The following CCDC170 variants were observed in gnomAD, a reference collection of about 807,000 sequenced individuals.
CCDC170 encodes coiled-coil domain-containing protein 170.
In CCDC170, 69 loss-of-function variants were observed where a neutral mutation model predicts 72.6. The observed-to-expected ratio is 0.95, with a 90% CI of 0.78 to 1.16. CCDC170 has a LOEUF of 1.16. Ranked by LOEUF, CCDC170 falls within the 50% of genes most tolerant of loss-of-function variation. The pLI is 0.00. For synonymous variants in CCDC170, 300 were observed against 303.9 expected (o/e 0.99, Z 0.13); for missense variants, 852 against 832.5 (o/e 1.02, Z -0.29).
At chr6:151,509,612 T>C (rs1361364349) in intron 1 of CCDC170, among the ~76,000 whole-genome samples, 2 of 152,160 alleles carry the variant, frequency 1.3e-5, no homozygotes, top group Admixed American at 6.5e-5. Context: ...ATGTGTACAG[T>C]TATGAACGTG....
chr6:151,549,983 A>T (rs995431231), intron 5 of CCDC170, among the ~76,000 whole-genome samples: 1 of 152,010 alleles, frequency 6.6e-6, no homozygotes. Context: ...GCCAAAGGAC[A>T]TGGACCTTGT....
intron 6 of CCDC170, among the ~76,000 whole-genome samples, chr6:151,583,738 G>T (rs555221221): frequency 6.6e-6 from 1 of 152,228 alleles, no homozygotes; most frequent in Non-Finnish European, 1.5e-5. Context: ...GATTACAGGC[G>T]TGAGCCACTA....
intron 4 of CCDC170, 84 bp downstream of exon 4, chr6:151,544,800 G>A (rs1427810319): frequency 1.4e-6 from 2 of 1,407,368 alleles, no homozygotes; most frequent in East Asian, 4.6e-5. Flanking sequence ...GGTTGAGTTT[G>A]GGGGTGGCAG....
At chr6:151,507,514 A>T (rs117655718) in intron 1 of CCDC170, among the ~76,000 whole-genome samples, 3,925 of 152,314 alleles carry the variant, frequency 0.026, 66 homozygotes, top group Non-Finnish European at 0.037. Flanking sequence ...ATTATTTTTA[A>T]TATCTTCTAT....
chr6:151,534,480 T>C (rs1219502402), intron 1 of CCDC170, among the ~76,000 whole-genome samples: 1 of 152,184 alleles, frequency 6.6e-6, no homozygotes, highest in Admixed American at 6.5e-5. Context: ...ATACTATAGG[T>C]GAAATCTCTT....
intron 1 of CCDC170, among the ~76,000 whole-genome samples, chr6:151,533,233 T>C (rs1231676968): frequency 6.6e-6 from 1 of 151,612 alleles, no homozygotes; most frequent in African/African-American, 2.4e-5. Flanking sequence ...TTTTTTTATT[T>C]TTAGTAGAGA....
chr6:151,561,544 C>A (rs918375983), intron 5 of CCDC170, among the ~76,000 whole-genome samples: 22 of 152,062 alleles, frequency 1.4e-4, no homozygotes, highest in Admixed American at 1.4e-3. Flanking sequence ...GGACCTCAAT[C>A]TCTTCTGGCT....
At chr6:151,512,044 C>T (rs112632418) in intron 1 of CCDC170, among the ~76,000 whole-genome samples, 6,625 of 151,938 alleles carry the variant, frequency 0.044, 447 homozygotes, top group African/African-American at 0.14. Flanking sequence ...GGGGTCTCAC[C>T]ATGTTGCCCA....
intron 5 of CCDC170, among the ~76,000 whole-genome samples, chr6:151,551,839 A>G (rs1021194700): frequency 2.0e-5 from 3 of 152,144 alleles, no homozygotes; most frequent in East Asian, 1.9e-4. Flanking sequence ...TTCCTGACCC[A>G]TAGAAACTGT....
At chr6:151,617,736 A>T (rs1454720517) in intron 10 of CCDC170, among the ~76,000 whole-genome samples, 1 of 152,126 alleles carries the variant, frequency 6.6e-6, no homozygotes, top group Non-Finnish European at 1.5e-5. Context: ...CTCATCAGAA[A>T]AGTGATTGTG....
At chr6:151,616,661 C>T (rs1186027324) in intron 10 of CCDC170, among the ~76,000 whole-genome samples, 1 of 152,154 alleles carries the variant, frequency 6.6e-6, no homozygotes, top group Admixed American at 6.5e-5. Flanking sequence ...TCCTTTCAGG[C>T]TGCTGTAACA....
At chr6:151,592,095 T>C (rs1359543523) in intron 7 of CCDC170, among the ~76,000 whole-genome samples, 1 of 152,056 alleles carries the variant, frequency 6.6e-6, no homozygotes, top group African/African-American at 2.4e-5. Context: ...CGGTGGCTCA[T>C]GCCTGTAATC....
At chr6:151,592,444 T>G (rs893260930) in intron 7 of CCDC170, among the ~76,000 whole-genome samples, 1 of 152,126 alleles carries the variant, frequency 6.6e-6, no homozygotes, top group Admixed American at 6.5e-5. Flanking sequence ...TTTAATGGAC[T>G]CACAGTTCCA....
At chr6:151,611,188 T>C (rs775600837) in intron 9 of CCDC170, among the ~76,000 whole-genome samples, 2 of 151,898 alleles carry the variant, frequency 1.3e-5, no homozygotes, top group Non-Finnish European at 2.9e-5. Flanking sequence ...GGCAGGGGAA[T>C]CGCTTGAACC....
chr6:151,614,638 T>G (rs949325561), intron 9 of CCDC170, among the ~76,000 whole-genome samples: 15 of 151,548 alleles, frequency 9.9e-5, no homozygotes, highest in South Asian at 4.2e-4. Context: ...TATTTTTTTT[T>G]TTTTTTTTGT....
chr6:151,502,420 G>A (rs1782005462), intron 1 of CCDC170, among the ~76,000 whole-genome samples: 1 of 152,092 alleles, frequency 6.6e-6, no homozygotes, highest in African/African-American at 2.4e-5. Context: ...CCTTTTCATT[G>A]ACTGAATTTC....
chr6:151,602,358 A>G (rs1251883959), intron 9 of CCDC170, among the ~76,000 whole-genome samples: 2 of 152,200 alleles, frequency 1.3e-5, no homozygotes, highest in Non-Finnish European at 2.9e-5. Context: ...TAATCTTATT[A>G]TGTTTCTTAA....
Position 151,596,653 on chromosome 6 carries a change from TA to T in CCDC170, c.1710+77del, listed in dbSNP as rs1183754534. The T allele has an allele frequency of 1.9e-6, 3 of 1,564,780 alleles. No homozygotes were observed. The Admixed American group carries it at 5.5e-5, about 29-fold the overall frequency. On this transcript the variant is annotated intron_variant, in intron 9 of 10. Transcript: ENST00000239374. ...GTTTTATGCAAAAGAATGACAGCTTTATCGGGACACGCCAGAAGAAGAAAGA... is the reference window on the plus strand; with the variant it reads ...GTTTTATGCAAAAGAATGACAGCTTTTCGGGACACGCCAGAAGAAGAAAGA...
At chr6:151,494,850 C>A (rs1368025057) in intron 1 of CCDC170, among the ~76,000 whole-genome samples, 2 of 152,170 alleles carry the variant, frequency 1.3e-5, no homozygotes, top group East Asian at 1.9e-4. Flanking sequence ...CATACTTGGG[C>A]GCACAAGAAG....
Sources: gnomAD v4.1 joint callset for allele counts (sites outside exome capture counted in the v4.1 genomes callset) on GRCh38, gnomAD v4.1.1 for gene constraint, MANE v1.5 for transcripts, NCBI Gene and HGNC (gene_info 2026-07-23, HGNC 2026-07-21) for gene names.